Variants in CLGN observed in about 807,000 individuals in gnomAD.
CLGN encodes the protein testis tissue sperm-binding protein Li 79P.
Under a neutral mutation model 79.1 loss-of-function variants are expected in CLGN, and 62 were observed. The ratio of observed to expected loss-of-function variants is 0.78; its 90% CI spans 0.64 to 0.97. CLGN has a LOEUF of 0.97. CLGN is among the 50% of genes least tolerant of loss of function. CLGN has a pLI of 0.00. For missense variants in CLGN, 647 were observed against 715.5 expected, an observed-to-expected ratio of 0.90 and a Z score of 1.09; for synonymous variants, 225 against 224.7, an observed-to-expected ratio of 1.00 and a Z score of -0.01.
chr4:140,417,711 C>T (rs1379219343), intron 1 of CLGN, among the ~76,000 whole-genome samples: 1 of 151,944 alleles, frequency 6.6e-6, no homozygotes, highest in Non-Finnish European at 1.5e-5. Context: ...AGGACACAAA[C>T]AAATGGAAGA....
intron 2 of CLGN, 103 bp from the exon 3 acceptor site, chr4:140,410,729 A>G: frequency 1.4e-6 from 1 of 696,148 alleles, no homozygotes; most frequent in African/African-American, 1.8e-5. Context: ...ACATACAGGT[A>G]ATACAGATAT....
chr4:140,396,910 T>TATAC (rs1553944673), intron 8 of CLGN, among the ~76,000 whole-genome samples: 2 of 132,052 alleles, frequency 1.5e-5, no homozygotes, highest in Admixed American at 7.6e-5. Flanking sequence ...TATATATGTA[T>TATAC]ATATATATAT....
chr4:140,416,895 A>C (rs1178735261), intron 1 of CLGN, among the ~76,000 whole-genome samples: 3 of 151,350 alleles, frequency 2.0e-5, no homozygotes, highest in Non-Finnish European at 4.4e-5. Context: ...GAGACACAAC[A>C]AAAAAAGAGA....
At position 140,411,245 on chromosome 4, in the gene CLGN, T is replaced by C. The variant is rs142333761; in HGVS notation, c.145-619A>G. On this transcript the variant is annotated intron_variant, in intron 2 of 14. Coordinates refer to ENST00000325617, the MANE Select transcript of CLGN (RefSeq NM_004362.3). ...ATTTCTATGGGGGAAGTATCATTAG[T>C]AACCACTTTATATATGATGAAACTG... Among the ~76,000 whole-genome samples, 142 of 152,148 alleles carry C rather than the reference T, an allele frequency of 9.3e-4. 4 individuals are homozygous for C. In the East Asian group the frequency reaches 0.027, roughly 29 times the overall value.
intron 8 of CLGN, among the ~76,000 whole-genome samples, chr4:140,397,176 T>C (rs1728906729): frequency 6.6e-6 from 1 of 151,844 alleles, no homozygotes; most frequent in Admixed American, 6.6e-5. Context: ...CTCTCTATAA[T>C]GGTTACACTC....
intron 5 of CLGN, among the ~76,000 whole-genome samples, chr4:140,404,672 T>G (rs775955199): frequency 6.6e-6 from 1 of 152,096 alleles, no homozygotes; most frequent in Non-Finnish European, 1.5e-5. Flanking sequence ...TCTTTTTTTT[T>G]GAGGCAAGAT....
At chr4:140,407,979 G>C (rs1729139629) in intron 4 of CLGN, among the ~76,000 whole-genome samples, 1 of 152,004 alleles carries the variant, frequency 6.6e-6, no homozygotes, top group South Asian at 2.1e-4. Context: ...GTCTCAGGTA[G>C]ACACATAGAC....
chr4:140,395,159 G>GTT lies in CLGN; in HGVS notation c.1149+658_1149+659dup, dbSNP rs113807754. 5.7e-3 allele frequency among the ~76,000 whole-genome samples: 844 copies of GTT among 147,400 alleles called. 10 individuals are homozygous for GTT. The highest frequency in any genetic ancestry group is 0.014 in the East Asian group (68 of 5,030). On this transcript the variant is annotated intron_variant, in intron 10 of 14. Coordinates refer to ENST00000325617, the MANE Select transcript of CLGN (RefSeq NM_004362.3). ...GCCAGGCCAGGTTTTTTGTTTTTTT[G>GTT]TTTTTTTGTTTTGAGTCTTGCTGTG...
In CLGN at chr4:140,398,924, T is replaced by C. The variant is rs781586311; in HGVS notation, c.811A>G (p.Asn271Asp). 2.3e-5 allele frequency: 37 copies of C among 1,613,908 alleles called. 1 individual carries two copies. The South Asian group carries it at 4.0e-4, about 17-fold the overall frequency. The change falls in exon 8 of 15, where the codon AAT becomes GAT. Residue 271 changes from asparagine (N) to aspartate (D), a missense_variant. By Grantham distance (23) the Asn-to-Asp change is conservative (BLOSUM62 1). Transcript: ENST00000325617. Reference protein sequence around the residue: ...IKPPKEIEDPNDKKPEEWDER... With the variant: ...IKPPKEIEDPDDKKPEEWDER... ...TCCCATTCCTCAGGTTTTTTATCAT[T>C]GGGATCTTCAATTTCTTTGGGAGGT...
chr4:140,402,771 C>T (rs1389747664), intron 5 of CLGN, among the ~76,000 whole-genome samples: 1 of 151,848 alleles, frequency 6.6e-6, no homozygotes, highest in African/African-American at 2.4e-5. Flanking sequence ...GGCAATGAGG[C>T]ATAGACTTAC....
Position 140,410,577 on chromosome 4 carries a change from GT to G in CLGN, c.193del (p.Thr65LeufsTer36), listed in dbSNP as rs750032270. 2 of 1,603,292 alleles carry G rather than the reference GT, an allele frequency of 1.2e-6. No individual in the cohort carries two copies. Among genetic ancestry groups the G allele is most frequent in the Non-Finnish European group, 1.7e-6 (2 of 1,170,808 alleles). ...QPIGEVYFAE[T>X]FDSGRLAGWV... The stretch of plus-strand genomic sequence containing the variant: ...CCCAGCCAACCTTCCACTATCAAAA[GT>G]TTCTGCAAAATATACTTCTCCTATA... On this transcript the variant is annotated frameshift_variant, in exon 3 of 15. Transcript: ENST00000325617. LOFTEE classifies it high-confidence loss of function.
At chr4:140,422,209 G>C (rs1729483531) in intron 1 of CLGN, among the ~76,000 whole-genome samples, 1 of 152,208 alleles carries the variant, frequency 6.6e-6, no homozygotes, top group East Asian at 1.9e-4. Context: ...AAACAGAGAT[G>C]TGAGATTTCC....
At chr4:140,396,304 G>T (rs1032907057) in intron 8 of CLGN, 99 bp from the exon 9 acceptor site, 131 of 1,021,680 alleles carry the variant, frequency 1.3e-4, no homozygotes, top group Admixed American at 1.7e-4. Flanking sequence ...CCTCCCTTTT[G>T]TTTGTGCCTG....
intron 14 of CLGN, 145 bp from the exon 15 acceptor site, chr4:140,389,449 G>A (rs1350462196): frequency 1.2e-5 from 8 of 643,360 alleles, no homozygotes; most frequent in African/African-American, 1.8e-5. Context: ...TAAAGTTATA[G>A]TTATTTCTCA....
chr4:140,414,259 A>G lies in CLGN; in HGVS notation c.-9-1172T>C, dbSNP rs542325752. Among the ~76,000 whole-genome samples, 8 of 152,328 alleles carry G rather than the reference A, an allele frequency of 5.3e-5. No homozygotes were observed. The South Asian group carries it at 1.4e-3, about 28-fold the overall frequency. ...ACCACAAAGATGGGGGGAAAACAGA[A>G]CAGAAAAACTGGAAACTCTAAAAAG... is the stretch of plus-strand genomic sequence containing the variant. On this transcript the variant is annotated intron_variant, in intron 1 of 14. Transcript: ENST00000325617.
At chr4:140,427,289 C>G (rs2126638201) in intron 1 of CLGN, among the ~76,000 whole-genome samples, 1 of 152,292 alleles carries the variant, frequency 6.6e-6, no homozygotes, top group Non-Finnish European at 1.5e-5. Flanking sequence ...GCTGAAGACA[C>G]AAAGGGTCCC....
Position 140,393,960 on chromosome 4 carries a change from G to C in CLGN, c.1231C>G (p.Leu411Val), listed in dbSNP as rs748388584. 6.2e-7 allele frequency: 1 copy of C among 1,613,656 alleles called. No homozygotes were observed. The highest frequency in any genetic ancestry group is 8.5e-7 in the Non-Finnish European group (1 of 1,179,756). Residue 411 changes from leucine (L) to valine (V), a missense_variant, in exon 11 of 15, where the codon CTT (leucine) becomes GTT (valine). By Grantham distance (32) the Leu-to-Val change is conservative. Coordinates refer to ENST00000325617, the MANE Select transcript of CLGN (RefSeq NM_004362.3). ...HPFLLTSFSA[L>V]GLELWSMTSD... ...GTCATAGACCAAAGCTCTAAACCAA[G>C]AGCACTGAAAGAAGTCAGAAGAAAT...
chr4:140,400,256 C>T (rs1728973028), intron 7 of CLGN, 101 bp downstream of exon 7: 2 of 776,398 alleles, frequency 2.6e-6, no homozygotes, highest in Admixed American at 2.6e-5. Context: ...TAAGCTCCTT[C>T]AGGATGGGGT....
intron 13 of CLGN, among the ~76,000 whole-genome samples, chr4:140,391,461 A>C (rs1728771784): frequency 1.3e-5 from 2 of 151,934 alleles, no homozygotes. Flanking sequence ...GTTGTTTTAG[A>C]TACCTATCCT....
Sources: allele counts gnomAD v4.1 joint callset (sites outside exome capture counted in the v4.1 genomes callset), GRCh38; gene constraint gnomAD v4.1.1; transcripts MANE v1.5; gene names NCBI Gene and HGNC (gene_info 2026-07-23, HGNC 2026-07-21).